RNF150: variants seen among roughly 807,000 people sequenced by gnomAD.
The protein encoded by RNF150 is ring finger protein 150.
A neutral mutation model predicts 39.3 loss-of-function variants in RNF150; 24 were observed. That is an observed-to-expected ratio of 0.61 (90% CI 0.44 to 0.86). The LOEUF (loss-of-function observed/expected upper bound fraction) is 0.86, where lower values mean the gene tolerates loss of function less well. Ranked by LOEUF, RNF150 falls within the 40% of genes least tolerant of loss-of-function variation. The probability of loss-of-function intolerance (pLI) is 0.00; values close to 1 mark genes in which losing one functional copy is unlikely to be tolerated. For synonymous variants in RNF150, 255 were observed against 227.3 expected, an observed-to-expected ratio of 1.12 and a Z score of -1.10; for missense variants, 502 against 587.8, an observed-to-expected ratio of 0.85 and a Z score of 1.51.
In RNF150 at chr4:140,907,772, C is replaced by CACTT. The variant is rs527454623; in HGVS notation, c.1198+3368_1198+3371dup. The stretch of plus-strand genomic sequence containing the variant: ...CCCAGTGAGTTCCAGCCCCATCTGT[C>CACTT]ACTTACAACCTTGGATCAGTGACAT... On this transcript the variant is annotated intron_variant, in intron 6 of 6. Coordinates refer to ENST00000515673, the MANE Select transcript of RNF150 (RefSeq NM_020724.2). 7.7e-4 allele frequency among the ~76,000 whole-genome samples: 117 copies of CACTT among 152,294 alleles called. 1 individual carries two copies. The highest frequency in any genetic ancestry group is 2.6e-3 in the African/African-American group (107 of 41,574).
At chr4:140,971,625 C>G (rs1340933703) in intron 1 of RNF150, among the ~76,000 whole-genome samples, 1 of 152,098 alleles carries the variant, frequency 6.6e-6, no homozygotes, top group African/African-American at 2.4e-5. Flanking sequence ...CACATATGAC[C>G]TGGCTGCCAG....
At chr4:140,875,084 C>T (rs978700555) in intron 6 of RNF150, among the ~76,000 whole-genome samples, 1 of 151,110 alleles carries the variant, frequency 6.6e-6, no homozygotes, top group Non-Finnish European at 1.5e-5. Context: ...CCACAGCTTA[C>T]ATAATAGTAA....
At chr4:141,085,617 C>A (rs959082507) in intron 1 of RNF150, among the ~76,000 whole-genome samples, 28 of 152,284 alleles carry the variant, frequency 1.8e-4, no homozygotes, top group African/African-American at 6.7e-4. Context: ...AAGATAAGTC[C>A]TCCCCACTAT....
chr4:140,930,474 C>T (rs762030468), intron 4 of RNF150, among the ~76,000 whole-genome samples: 5 of 152,170 alleles, frequency 3.3e-5, no homozygotes, highest in Non-Finnish European at 5.9e-5. Context: ...GTTGCATCTC[C>T]GGGACCTAGA....
chr4:141,074,956 C>T (rs1274648402), intron 1 of RNF150, among the ~76,000 whole-genome samples: 1 of 152,130 alleles, frequency 6.6e-6, no homozygotes, highest in Non-Finnish European at 1.5e-5. Flanking sequence ...ATTCTATTTC[C>T]CTTGGGAGCT....
chr4:140,868,420 T>C (rs1174661926), intron 6 of RNF150, 41 bp from the exon 7 acceptor site: 3 of 1,023,148 alleles, frequency 2.9e-6, no homozygotes, highest in Non-Finnish European at 4.7e-6. Context: ...CACCGAGCTA[T>C]GTCTTTGCAT....
At chr4:141,153,105 A>G (rs10014312) in intron 1 of RNF150, among the ~76,000 whole-genome samples, 81,568 of 151,898 alleles carry the variant, frequency 0.54, 22,177 homozygotes, top group East Asian at 0.81. Flanking sequence ...ACTGAGAAAA[A>G]TTTTTAATTC....
chr4:141,066,761 G>A (rs143464082), intron 1 of RNF150, among the ~76,000 whole-genome samples: 49 of 152,266 alleles, frequency 3.2e-4, no homozygotes, highest in African/African-American at 1.2e-3. Context: ...TTAGTAATAT[G>A]TACTGAAAAT....
chr4:140,967,643 T>C lies in RNF150; in HGVS notation c.715A>G (p.Asn239Asp), dbSNP rs766967733. ...FYYIQRFRYA[N>D]ARDRNQRRLG... ...CTCACCTGGTTCCTATCCCTGGCAT[T>C]TGCATATCGAAACCTCTGGATGTAA... The change falls in exon 2 of 7, where the codon AAT becomes GAT. Residue 239 changes from asparagine (N) to aspartate (D), a missense_variant. Physicochemically the swap from Asn to Asp is conservative, Grantham distance 23. Coordinates refer to ENST00000515673, the MANE Select transcript of RNF150 (RefSeq NM_020724.2). 1.2e-6 allele frequency: 2 copies of C among 1,609,540 alleles called. No individual in the cohort carries two copies. The highest frequency in any genetic ancestry group is 1.1e-5 in the South Asian group (1 of 90,936).
intron 1 of RNF150, among the ~76,000 whole-genome samples, chr4:141,175,122 GC>G (rs1398071040): frequency 6.6e-6 from 1 of 152,160 alleles, no homozygotes; most frequent in African/African-American, 2.4e-5. Context: ...AAAGGGAAAG[GC>G]AGAGTGCTGA....
chr4:141,148,105 G>GTCT (rs1560759546), intron 1 of RNF150, among the ~76,000 whole-genome samples: 1 of 152,066 alleles, frequency 6.6e-6, no homozygotes, highest in East Asian at 1.9e-4. Flanking sequence ...AATAAAATTA[G>GTCT]TCTTAATACA....
intron 6 of RNF150, among the ~76,000 whole-genome samples, chr4:140,882,488 T>A (rs968356043): frequency 2.4e-4 from 37 of 152,306 alleles, no homozygotes; most frequent in African/African-American, 8.7e-4. Flanking sequence ...TGCCTATTGT[T>A]CTCAGTCTGG....
intron 2 of RNF150, among the ~76,000 whole-genome samples, chr4:140,958,385 G>A (rs1386655413): frequency 1.3e-5 from 2 of 152,210 alleles, no homozygotes; most frequent in East Asian, 3.9e-4. Flanking sequence ...TTATGGCTAT[G>A]ACTGAGGCAA....
intron 1 of RNF150, among the ~76,000 whole-genome samples, chr4:141,113,198 T>G (rs181316059): frequency 1.0e-3 from 153 of 152,058 alleles, no homozygotes; most frequent in African/African-American, 3.4e-3. Flanking sequence ...AGGAGTTTGT[T>G]ATTACCCCGC....
intron 4 of RNF150, among the ~76,000 whole-genome samples, chr4:140,934,376 T>A (rs1314248972): frequency 6.6e-6 from 1 of 152,062 alleles, no homozygotes; most frequent in African/African-American, 2.4e-5. Flanking sequence ...CCAGTAGTAA[T>A]CATATTCTGG....
chr4:141,036,300 G>A (rs1263677024), intron 1 of RNF150, among the ~76,000 whole-genome samples: 2 of 152,176 alleles, frequency 1.3e-5, no homozygotes, highest in Non-Finnish European at 2.9e-5. Context: ...ATAGGCAAAA[G>A]ATGAGGCCAG....
At chr4:141,003,038 A>G (rs765293714) in intron 1 of RNF150, among the ~76,000 whole-genome samples, 2 of 152,130 alleles carry the variant, frequency 1.3e-5, no homozygotes, top group Non-Finnish European at 2.9e-5. Flanking sequence ...GTTTGCCACC[A>G]CTACTGTAAA....
chr4:140,951,685 T>C (rs1020020324), intron 2 of RNF150, among the ~76,000 whole-genome samples: 1 of 152,026 alleles, frequency 6.6e-6, no homozygotes, highest in African/African-American at 2.4e-5. Flanking sequence ...ACCCAGCCAG[T>C]ATCAACTGAC....
chr4:141,046,847 A>G (rs1736595715), intron 1 of RNF150, among the ~76,000 whole-genome samples: 1 of 152,112 alleles, frequency 6.6e-6, no homozygotes, highest in Non-Finnish European at 1.5e-5. Flanking sequence ...ATAAAATGAG[A>G]TATCTTGCAT....
Sources: gnomAD v4.1 joint callset for allele counts (sites outside exome capture counted in the v4.1 genomes callset) on GRCh38, gnomAD v4.1.1 for gene constraint, MANE v1.5 for transcripts, NCBI Gene and HGNC (gene_info 2026-07-23, HGNC 2026-07-21) for gene names.